Variants in PRMT8 observed in about 807,000 individuals in gnomAD.
PRMT8 encodes the protein protein arginine N-methyltransferase 8.
PRMT8 carries 7 observed loss-of-function variants against 47.1 expected under a neutral mutation model. The observed-to-expected ratio is 0.15, with a 90% CI of 0.08 to 0.28. The LOEUF (loss-of-function observed/expected upper bound fraction) is 0.28, where lower values mean the gene tolerates loss of function less well. Ranked by LOEUF, PRMT8 falls within the 10% of genes least tolerant of loss-of-function variation. The pLI is 1.00. For synonymous variants in PRMT8, 188 were observed against 186.5 expected (o/e 1.01, Z -0.07); for missense variants, 237 against 505.4 (o/e 0.47, Z 5.09).
Position 3,540,649 on chromosome 12 carries a change from C to T in PRMT8, c.119C>T (p.Ala40Val). ...CAGCCCCCCCAGCCCGTCGTCCCTGCTAAGCCCGTGCAATGCGTCCATCAT... is the reference window on the plus strand; with the variant it reads ...CAGCCCCCCCAGCCCGTCGTCCCTGTTAAGCCCGTGCAATGCGTCCATCAT... Reference protein sequence around the residue: ...PSQPPQPVVPAKPVQCVHHVS... With the variant: ...PSQPPQPVVPVKPVQCVHHVS... The change falls in exon 2 of 10, where the codon GCT (alanine) becomes GTT (valine). Residue 40 changes from alanine (A) to valine (V), a missense_variant. By Grantham distance (64) the Ala-to-Val change is moderately conservative. This residue lies in a region of PRMT8 where 43 missense variants were observed against 32.4 expected (regional missense o/e 1.33). Transcript: ENST00000382622. 1 of 1,515,518 alleles carries T rather than the reference C, an allele frequency of 6.6e-7. No homozygotes were observed. The highest frequency in any genetic ancestry group is 9.0e-7 in the Non-Finnish European group (1 of 1,111,238). The allele number at this position is 1,515,518 out of a possible 1,614,324, so 93.9% of individuals were successfully genotyped here.
At chr12:3,581,554 A>C (rs942994455) in intron 7 of PRMT8, among the ~76,000 whole-genome samples, 2 of 152,330 alleles carry the variant, frequency 1.3e-5, no homozygotes, top group South Asian at 4.1e-4. Flanking sequence ...TCAGCTTAAG[A>C]AGATGGGCTT....
At position 3,492,575 on chromosome 12, in the gene PRMT8, T is replaced by G. The variant is rs1865438435; in HGVS notation, c.75+875T>G. 6.6e-6 allele frequency among the ~76,000 whole-genome samples: 1 copy of G among 152,196 alleles called. No homozygotes were observed. Among genetic ancestry groups the G allele is most frequent in the African/African-American group, 2.4e-5 (1 of 41,454 alleles). On this transcript the variant is annotated intron_variant, in intron 1 of 9. Coordinates refer to ENST00000382622, the MANE Select transcript of PRMT8 (RefSeq NM_019854.5). This position sits in a 1 kb window ranked among gnomAD's most constrained non-coding sequence, Gnocchi z 7.5. The stretch of plus-strand genomic sequence containing the variant: ...TTTTTCTCTACTCTCCAGCTGGCCC[T>G]GAGCCGCAGAGAGCCCTGCTGGGCT...
intron 1 of PRMT8, among the ~76,000 whole-genome samples, chr12:3,512,242 C>T (rs1375660225): frequency 6.6e-6 from 1 of 152,146 alleles, no homozygotes; most frequent in Non-Finnish European, 1.5e-5. Context: ...TCCTGCGTCT[C>T]CCACCTCCCT....
chr12:3,446,267 G>A (rs952109789), intron 1 of PRMT8, among the ~76,000 whole-genome samples: 1 of 151,990 alleles, frequency 6.6e-6, no homozygotes, highest in African/African-American at 2.4e-5. Context: ...CTCACCTCCT[G>A]TCTCTCCAGT....
rs78073992 is a variant in PRMT8, at chr12:3,437,693, C to T, written c.48+56251C>T. 4.6e-3 allele frequency among the ~76,000 whole-genome samples: 702 copies of T among 151,128 alleles called. 9 individuals carry two copies. The highest frequency in any genetic ancestry group is 0.016 in the African/African-American group (663 of 40,882). ...TTCTGGGAGTGTAGTATACCTAACACGGGGGCTTTTGGTGTAGGCAGACCT... is the reference window on the plus strand; with the variant it reads ...TTCTGGGAGTGTAGTATACCTAACATGGGGGCTTTTGGTGTAGGCAGACCT... On this transcript the variant is annotated intron_variant, in intron 1 of 9. Transcript: ENST00000452611.
intron 1 of PRMT8, among the ~76,000 whole-genome samples, chr12:3,537,805 T>TA (rs1255452506): frequency 2.0e-5 from 3 of 152,198 alleles, no homozygotes; most frequent in African/African-American, 7.2e-5. Context: ...CCCCAGTAGT[T>TA]CAGGCTCTCA....
At chr12:3,494,589 G>A (rs1284755222) in intron 1 of PRMT8, among the ~76,000 whole-genome samples, 1 of 152,186 alleles carries the variant, frequency 6.6e-6, no homozygotes, top group Admixed American at 6.5e-5. Context: ...AGGGAGAGAT[G>A]CAGTGATGGA....
chr12:3,539,314 A>T (rs969068920), intron 1 of PRMT8, among the ~76,000 whole-genome samples: 1 of 152,126 alleles, frequency 6.6e-6, no homozygotes, highest in African/African-American at 2.4e-5. Flanking sequence ...CAGTGATGAC[A>T]AATTATTTCC....
intron 1 of PRMT8, among the ~76,000 whole-genome samples, chr12:3,397,740 C>A (rs1444813531): frequency 2.6e-5 from 4 of 152,222 alleles, no homozygotes; most frequent in East Asian, 1.9e-4. Flanking sequence ...GGGCTCCCCC[C>A]AGTTCGTGCT....
rs2137164528 is a variant in PRMT8, at chr12:3,540,614, C to CCCCCCCAA, written c.90_91insAACCCCCC (p.Ser31AsnfsTer38). The CCCCCCCAA allele has an allele frequency of 5.7e-5, 41 of 716,418 alleles. No homozygotes were observed. Among genetic ancestry groups the CCCCCCCAA allele is most frequent in the Non-Finnish European group, 9.9e-5 (40 of 402,618 alleles). The allele number at this position is 716,418 out of a possible 1,614,324, so 44.4% of individuals were successfully genotyped here. On this transcript the variant is annotated frameshift_variant, in exon 2 of 10. Transcript: ENST00000382622. LOFTEE classifies it high-confidence loss of function. ...CCTTCTCTTCCCCTCAGGTGAACAG[C>CCCCCCCAA]CCCCCCTCCCAGCCCCCCCAGCCCG...
In PRMT8 at chr12:3,557,772, A is replaced by G. The variant is rs915540965; in HGVS notation, c.481+4058A>G. On this transcript the variant is annotated intron_variant, in intron 4 of 9. Transcript: ENST00000382622. This position sits in a 1 kb window ranked among gnomAD's most constrained non-coding sequence, Gnocchi z 4.7. The stretch of plus-strand genomic sequence containing the variant: ...CCTTTGCTAAGGTGTGTTTGTGTGG[A>G]TGCAGAAGCACCAGGAGTGCTGCTG... Among the ~76,000 whole-genome samples, 1 of 152,006 alleles carries G rather than the reference A, an allele frequency of 6.6e-6. No individual in the cohort carries two copies. The highest frequency in any genetic ancestry group is 6.5e-5 in the Admixed American group (1 of 15,272).
chr12:3,430,401 C>A (rs1864662780), intron 1 of PRMT8, among the ~76,000 whole-genome samples: 1 of 152,150 alleles, frequency 6.6e-6, no homozygotes, highest in South Asian at 2.1e-4. Context: ...AGAAATTGGG[C>A]ATAAGACAAT....
In PRMT8 at chr12:3,436,277, C is replaced by A. The variant is rs1864740258; in HGVS notation, c.48+54835C>A. Reference sequence around the variant, plus strand: ...TTTTCCTGTTGCATAGCTCCGTCACCTTCGTTTTTGACACTCACTTGCTTT... The same window carrying A: ...TTTTCCTGTTGCATAGCTCCGTCACATTCGTTTTTGACACTCACTTGCTTT... On this transcript the variant is annotated intron_variant, in intron 1 of 9. Coordinates refer to the PRMT8 transcript ENST00000452611. The surrounding 1 kb of genome is among the most constrained non-coding windows in gnomAD (Gnocchi z 4.2). 6.6e-6 allele frequency among the ~76,000 whole-genome samples: 1 copy of A among 152,190 alleles called. No homozygotes were observed. Among genetic ancestry groups the A allele is most frequent in the South Asian group, 2.1e-4 (1 of 4,832 alleles).
At chr12:3,542,633 A>G (rs1866252062) in intron 2 of PRMT8, among the ~76,000 whole-genome samples, 1 of 151,944 alleles carries the variant, frequency 6.6e-6, no homozygotes. Context: ...CCTGCCCAGA[A>G]CTCCCCCATT....
chr12:3,536,901 T>C (rs1208352624), intron 1 of PRMT8, among the ~76,000 whole-genome samples: 1 of 152,244 alleles, frequency 6.6e-6, no homozygotes, highest in Non-Finnish European at 1.5e-5. Flanking sequence ...CACAGTTTAA[T>C]GTCTCACTTT....
At chr12:3,491,740 C>A in intron 1 of PRMT8, 40 bp downstream of exon 1, 1 of 1,576,230 alleles carries the variant, frequency 6.3e-7, no homozygotes, top group South Asian at 1.1e-5. Context: ...GAGACCCCGC[C>A]GCCCACCCGG....
intron 1 of PRMT8, among the ~76,000 whole-genome samples, chr12:3,424,297 A>G (rs1290870583): frequency 1.3e-5 from 2 of 152,176 alleles, no homozygotes; most frequent in Non-Finnish European, 2.9e-5. Flanking sequence ...AAGGGGTTAC[A>G]TTGTCCCTTA....
Position 3,562,099 on chromosome 12 carries a change from A to G in PRMT8, c.482-6607A>G, listed in dbSNP as rs530269416. Among the ~76,000 whole-genome samples, 11 of 152,360 alleles carry G rather than the reference A, an allele frequency of 7.2e-5. No individual in the cohort carries two copies. In the South Asian group the frequency reaches 2.1e-3, roughly 29 times the overall value. ...TTAAGTATCTCCAGCACACCACTGT[A>G]TAAAACACAACAGCATCCGGTGGGC... On this transcript the variant is annotated intron_variant, in intron 4 of 9. Transcript: ENST00000382622.
chr12:3,490,400 T>TAA (rs1865367668), upstream of PRMT8, among the ~76,000 whole-genome samples: 1 of 151,938 alleles, frequency 6.6e-6, no homozygotes, highest in South Asian at 2.1e-4. Flanking sequence ...CAAACTCCCT[T>TAA]AAAAAAGGAT....
Sources: allele counts gnomAD v4.1 joint callset (sites outside exome capture counted in the v4.1 genomes callset), GRCh38; gene constraint gnomAD v4.1.1; regional missense constraint gnomAD v4.1.1; non-coding constraint Gnocchi (gnomAD v3.1); transcripts MANE v1.5; gene names NCBI Gene and HGNC (gene_info 2026-07-23, HGNC 2026-07-21).